CLASP1: variants seen among roughly 807,000 people sequenced by gnomAD.
The protein encoded by CLASP1 is CLIP-associating protein 1.
A neutral mutation model predicts 192.3 loss-of-function variants in CLASP1; 38 were observed. The ratio of observed to expected loss-of-function variants is 0.20; its 90% CI spans 0.15 to 0.26. The LOEUF is 0.26. Among genes scored for constraint, CLASP1 ranks in the 10% least tolerant of loss-of-function variants. The probability of loss-of-function intolerance (pLI) is 1.00; values close to 1 mark genes in which losing one functional copy is unlikely to be tolerated. For missense variants in CLASP1, 1,433 were observed against 1,932.5 expected, an observed-to-expected ratio of 0.74 and a Z score of 4.85; for synonymous variants, 691 against 712.8, an observed-to-expected ratio of 0.97 and a Z score of 0.49.
intron 2 of CLASP1, chr2:121,530,855 T>A: frequency 1.5e-6 from 1 of 669,910 alleles, no homozygotes; most frequent in Non-Finnish European, 2.8e-6. Context: ...CGCTTCCTGC[T>A]TGCAGCCCAG....
chr2:121,536,999 C>T (rs1241840915), intron 2 of CLASP1, among the ~76,000 whole-genome samples: 1 of 152,064 alleles, frequency 6.6e-6, no homozygotes, highest in African/African-American at 2.4e-5. Flanking sequence ...GGTTATGAAG[C>T]TTGTGTTATG....
At chr2:121,447,013 G>C (rs2084471399) in intron 19 of CLASP1, among the ~76,000 whole-genome samples, 2 of 152,206 alleles carry the variant, frequency 1.3e-5, no homozygotes, top group African/African-American at 4.8e-5. Flanking sequence ...AAAAAACTTA[G>C]CTTTGACAAT....
chr2:121,382,107 A>T (rs1263615783), intron 33 of CLASP1, 101 bp downstream of exon 34: 1 of 862,518 alleles, frequency 1.2e-6, no homozygotes, highest in Non-Finnish European at 1.9e-6. Context: ...GGAAGGGACC[A>T]CACTGGAGGC....
At position 121,593,892 on chromosome 2, in the gene CLASP1, C is replaced by T. The variant is rs540452197; in HGVS notation, c.195+11809G>A. Among the ~76,000 whole-genome samples the T allele has an allele frequency of 1.6e-3, 241 of 151,988 alleles. 3 individuals are homozygous for T. The highest frequency in any genetic ancestry group is 1.6e-3 in the Non-Finnish European group (109 of 67,984). Reference sequence around the variant, plus strand: ...AGGGTGGTGGTGCATGCCTGTGATCCCAGCTACTTGGGAGGCTGAGCCAGG... The same window carrying T: ...AGGGTGGTGGTGCATGCCTGTGATCTCAGCTACTTGGGAGGCTGAGCCAGG... On this transcript the variant is annotated intron_variant, in intron 2 of 39. Transcript: ENST00000263710.
At chr2:121,386,590 C>T (rs146497979) in intron 32 of CLASP1, among the ~76,000 whole-genome samples, 15 of 152,362 alleles carry the variant, frequency 9.8e-5, no homozygotes, top group African/African-American at 3.4e-4. Context: ...AATATTTGCA[C>T]GGTCCCAACA....
At position 121,631,741 on chromosome 2, in the gene CLASP1, T is replaced by C. The variant is rs543967636; in HGVS notation, c.-286+17631A>G. Among the ~76,000 whole-genome samples the C allele has an allele frequency of 1.6e-3, 243 of 151,362 alleles. 3 individuals are homozygous for C. Among genetic ancestry groups the C allele is most frequent in the African/African-American group, 5.3e-3 (217 of 41,316 alleles). On this transcript the variant is annotated intron_variant, in intron 1 of 39. Coordinates refer to ENST00000263710, the Ensembl canonical transcript of CLASP1. The stretch of plus-strand genomic sequence containing the variant: ...GCCTGGGCAACATAGTGAGACCCCA[T>C]CTCTACAAAAAATACAAAAATCGGG...
At position 121,361,601 on chromosome 2, in the gene CLASP1, GT is replaced by G. The variant is rs138112462; in HGVS notation, c.4206+1570del. Among the ~76,000 whole-genome samples, 12 of 150,974 alleles carry G rather than the reference GT, an allele frequency of 7.9e-5. No homozygotes were observed. In the South Asian group the frequency reaches 2.1e-3, roughly 26 times the overall value. On this transcript the variant is annotated intron_variant, in intron 37 of 39. Coordinates refer to ENST00000263710, the Ensembl canonical transcript of CLASP1. Reference sequence around the variant, plus strand: ...TAAAACATTATGAAAATTTTTTGTGGTTTTTTTTTAGGCTCATTGGCTATTG... The same window carrying G: ...TAAAACATTATGAAAATTTTTTGTGGTTTTTTTTAGGCTCATTGGCTATTG...
At chr2:121,580,881 G>T (rs2061052719) in intron 2 of CLASP1, among the ~76,000 whole-genome samples, 2 of 152,140 alleles carry the variant, frequency 1.3e-5, no homozygotes, top group South Asian at 4.1e-4. Flanking sequence ...CTACATTCCT[G>T]TCTGAGAAAA....
intron 23 of CLASP1, among the ~76,000 whole-genome samples, chr2:121,416,783 T>TCCA (rs1339774855): frequency 6.6e-6 from 1 of 152,208 alleles, no homozygotes; most frequent in Non-Finnish European, 1.5e-5. Flanking sequence ...AAACCCTGGC[T>TCCA]CCACCATTTA....
intron 2 of CLASP1, among the ~76,000 whole-genome samples, chr2:121,580,777 T>C (rs2061040723): frequency 6.6e-6 from 1 of 152,258 alleles, no homozygotes. Context: ...ATTTTTTTTC[T>C]TGGACACACA....
intron 9 of CLASP1, among the ~76,000 whole-genome samples, chr2:121,467,545 C>T (rs2089882737): frequency 6.6e-6 from 1 of 152,150 alleles, no homozygotes; most frequent in Non-Finnish European, 1.5e-5. Flanking sequence ...TTGCATTTCT[C>T]TAATAATCAG....
rs1167417330 is a variant in CLASP1, at chr2:121,605,370, T to G, written c.195+331A>C. Among the ~76,000 whole-genome samples the G allele has an allele frequency of 6.6e-5, 10 of 152,184 alleles. No individual in the cohort carries two copies. The East Asian group carries it at 1.9e-3, about 29-fold the overall frequency. ...TTATAAAGGGCAACTCACCAAGGTC[T>G]CAGGACCTATTTGCTGCAAAACATA... On this transcript the variant is annotated intron_variant, in intron 2 of 39. Transcript: ENST00000263710.
chr2:121,546,700 G>T (rs747788539), intron 2 of CLASP1, among the ~76,000 whole-genome samples: 1 of 152,070 alleles, frequency 6.6e-6, no homozygotes, highest in African/African-American at 2.4e-5. Context: ...TTTCTCAGGC[G>T]CAAACAGAGA....
intron 23 of CLASP1, among the ~76,000 whole-genome samples, chr2:121,413,551 C>T (rs2078072833): frequency 6.6e-6 from 1 of 152,150 alleles, no homozygotes; most frequent in Non-Finnish European, 1.5e-5. Context: ...GCTGAGAGAG[C>T]AGGTTTGGGG....
rs538804950 is a variant in CLASP1, at chr2:121,350,095, A to G, written c.4207-1377T>C. Among the ~76,000 whole-genome samples the G allele has an allele frequency of 2.0e-5, 3 of 152,388 alleles. No homozygotes were observed. In the East Asian group the frequency reaches 5.8e-4, roughly 29 times the overall value. Reference sequence around the variant, plus strand: ...GCTATACGCACATGGATTTTCTTACAAAGTACAACAGAACTCGAATACTTT... The same window carrying G: ...GCTATACGCACATGGATTTTCTTACGAAGTACAACAGAACTCGAATACTTT... On this transcript the variant is annotated intron_variant, in intron 37 of 39. Transcript: ENST00000263710.
At position 121,401,413 on chromosome 2, in the gene CLASP1, G is replaced by A. The variant is rs1439004756; in HGVS notation, c.2900+96C>T. Reference sequence around the variant, plus strand: ...GAACTGAGTAAAAGAGATATTCAAGGGGGTGACAAAGGCCATGGGTAACAA... The same window carrying A: ...GAACTGAGTAAAAGAGATATTCAAGAGGGTGACAAAGGCCATGGGTAACAA... On this transcript the variant is annotated intron_variant, in intron 28 of 39. Transcript: ENST00000263710. The A allele has an allele frequency of 3.4e-6, 3 of 870,822 alleles. No individual in the cohort carries two copies. In the Admixed American group the frequency reaches 7.1e-5, roughly 20 times the overall value. 53.9% of individuals were successfully genotyped at this position (870,822 alleles called of 1,614,324 possible). A position where few individuals can be genotyped will look rare whatever the true frequency, so the allele number is the denominator to read the frequency against.
At chr2:121,384,894 T>A (rs1382082608) in intron 32 of CLASP1, among the ~76,000 whole-genome samples, 1 of 152,088 alleles carries the variant, frequency 6.6e-6, no homozygotes, top group African/African-American at 2.4e-5. Context: ...ATAAATTAAT[T>A]AATTAATTAA....
intron 32 of CLASP1, among the ~76,000 whole-genome samples, chr2:121,382,745 T>C (rs751959586): frequency 1.3e-5 from 2 of 152,188 alleles, no homozygotes; most frequent in Non-Finnish European, 2.9e-5. Flanking sequence ...AGAAGAATCA[T>C]GGGGCCTTAA....
intron 7 of CLASP1, among the ~76,000 whole-genome samples, chr2:121,511,395 C>T (rs1201624341): frequency 1.3e-5 from 2 of 151,974 alleles, no homozygotes; most frequent in Admixed American, 6.6e-5. Flanking sequence ...TCGAGATCAG[C>T]CTAACCAACA....
Sources: allele counts gnomAD v4.1 joint callset (sites outside exome capture counted in the v4.1 genomes callset), GRCh38; gene constraint gnomAD v4.1.1; transcripts MANE v1.5; gene names NCBI Gene and HGNC (gene_info 2026-07-23, HGNC 2026-07-21).